ERC2: variants seen among roughly 807,000 people sequenced by gnomAD.
ERC2 encodes the protein ERC protein 2.
In ERC2, 42 loss-of-function variants were observed where a neutral mutation model predicts 114.8. That is an observed-to-expected ratio of 0.37 (90% CI 0.29 to 0.47). The LOEUF is 0.47. Among genes scored for constraint, ERC2 ranks in the 20% least tolerant of loss-of-function variants. ERC2 has a pLI of 0.99. For missense variants in ERC2, 939 were observed against 1,150.7 expected (o/e 0.82, Z 2.66); for synonymous variants, 454 against 425.5 (o/e 1.07, Z -0.82).
intron 7 of ERC2, among the ~76,000 whole-genome samples, chr3:56,059,945 A>G (rs1410849500): frequency 2.0e-5 from 3 of 152,182 alleles, no homozygotes; most frequent in Non-Finnish European, 2.9e-5. Context: ...CTGCATTTGC[A>G]CATTCATTTC....
chr3:55,848,470 T>C (rs1387498890), intron 14 of ERC2, among the ~76,000 whole-genome samples: 1 of 152,176 alleles, frequency 6.6e-6, no homozygotes, highest in Non-Finnish European at 1.5e-5. Context: ...CATTACACTT[T>C]TAAAAGCCTT....
chr3:55,947,231 G>T (rs1464425052), intron 13 of ERC2, among the ~76,000 whole-genome samples: 2 of 152,126 alleles, frequency 1.3e-5, no homozygotes, highest in South Asian at 2.1e-4. Context: ...ATGAGTAAGG[G>T]TTCTTGAGTT....
intron 2 of ERC2, among the ~76,000 whole-genome samples, chr3:56,349,604 G>T (rs535137565): frequency 2.0e-5 from 3 of 152,266 alleles, no homozygotes; most frequent in African/African-American, 4.8e-5. Context: ...GGAGGATGAG[G>T]ATCGAAAAAC....
intron 7 of ERC2, among the ~76,000 whole-genome samples, chr3:56,059,196 T>A (rs1323284640): frequency 6.6e-6 from 1 of 151,982 alleles, no homozygotes; most frequent in East Asian, 1.9e-4. Flanking sequence ...GTTCAAGCAA[T>A]TCTCCTGTCT....
chr3:55,938,399 A>T (rs2066584786), intron 13 of ERC2, among the ~76,000 whole-genome samples: 1 of 152,164 alleles, frequency 6.6e-6, no homozygotes, highest in African/African-American at 2.4e-5. Flanking sequence ...CTGGACTCTA[A>T]CGTACATGTG....
chr3:55,621,776 G>T (rs752709474), intron 17 of ERC2, among the ~76,000 whole-genome samples: 4 of 152,144 alleles, frequency 2.6e-5, no homozygotes, highest in Non-Finnish European at 5.9e-5. Context: ...TAGGCCAATT[G>T]GGGGAGAAAA....
At chr3:56,437,259 G>T (rs975582) in intron 1 of ERC2, among the ~76,000 whole-genome samples, 1 of 152,130 alleles carries the variant, frequency 6.6e-6, no homozygotes, top group African/African-American at 2.4e-5. Flanking sequence ...TAGCCAACAG[G>T]CAAGCCGCCC....
chr3:56,231,505 G>A (rs1042618234), intron 3 of ERC2, among the ~76,000 whole-genome samples: 2 of 152,228 alleles, frequency 1.3e-5, no homozygotes, highest in African/African-American at 4.8e-5. Context: ...AACTATGCAT[G>A]TGGGGATAGC....
chr3:56,071,141 C>T (rs1351318390), intron 7 of ERC2, among the ~76,000 whole-genome samples: 1 of 152,158 alleles, frequency 6.6e-6, no homozygotes, highest in African/African-American at 2.4e-5. Context: ...TATGTATCCC[C>T]AGTACCTTTG....
intron 17 of ERC2, among the ~76,000 whole-genome samples, chr3:55,544,485 C>T (rs1485925265): frequency 6.6e-6 from 1 of 152,154 alleles, no homozygotes; most frequent in Non-Finnish European, 1.5e-5. Context: ...AGTTCTCCAC[C>T]TCCCCCACCC....
intron 2 of ERC2, among the ~76,000 whole-genome samples, chr3:56,326,597 A>G (rs2057373510): frequency 6.6e-6 from 1 of 152,222 alleles, no homozygotes; most frequent in South Asian, 2.1e-4. Flanking sequence ...TCCAGATTCC[A>G]GATTTTTCTT....
intron 7 of ERC2, among the ~76,000 whole-genome samples, chr3:56,069,243 T>C (rs926345321): frequency 3.9e-5 from 6 of 152,226 alleles, no homozygotes; most frequent in African/African-American, 1.4e-4. Flanking sequence ...GCCACTTTAG[T>C]GGACCAGCAG....
At chr3:56,044,330 T>C (rs925574832) in intron 7 of ERC2, among the ~76,000 whole-genome samples, 5 of 152,160 alleles carry the variant, frequency 3.3e-5, no homozygotes, top group Admixed American at 2.6e-4. Context: ...ACTGTGTTCT[T>C]GGGGTTTTAG....
chr3:56,286,934 T>C (rs2150337444), intron 3 of ERC2, among the ~76,000 whole-genome samples: 2 of 152,342 alleles, frequency 1.3e-5, no homozygotes, highest in African/African-American at 4.8e-5. Context: ...ATTTTTCCTT[T>C]AGTGAGAATT....
intron 12 of ERC2, among the ~76,000 whole-genome samples, chr3:55,951,317 A>G (rs2067484491): frequency 6.6e-6 from 1 of 152,218 alleles, no homozygotes; most frequent in Non-Finnish European, 1.5e-5. Context: ...TGAGGCTCCA[A>G]TCAAATACAT....
At chr3:56,088,135 G>A (rs772022758) in intron 6 of ERC2, among the ~76,000 whole-genome samples, 1 of 152,032 alleles carries the variant, frequency 6.6e-6, no homozygotes, top group Non-Finnish European at 1.5e-5. Flanking sequence ...CTCAGAGATC[G>A]TAGAGGCTAC....
intron 14 of ERC2, among the ~76,000 whole-genome samples, chr3:55,807,734 C>A (rs9311587): frequency 0.065 from 9,877 of 152,234 alleles, 509 homozygotes; most frequent in African/African-American, 0.14. Context: ...CCTTATCAAC[C>A]TAGACTCCTT....
intron 7 of ERC2, among the ~76,000 whole-genome samples, chr3:56,044,472 T>G (rs1390921839): frequency 3.9e-5 from 6 of 152,108 alleles, no homozygotes; most frequent in Admixed American, 2.0e-4. Flanking sequence ...GGGAATAAAA[T>G]GAAGAGATTT....
At chr3:55,832,358 C>G (rs1398323870) in intron 14 of ERC2, among the ~76,000 whole-genome samples, 2 of 152,220 alleles carry the variant, frequency 1.3e-5, no homozygotes, top group African/African-American at 4.8e-5. Flanking sequence ...AGGCATCCCC[C>G]AGTAGGGGCA....
Sources: gnomAD v4.1 joint callset for allele counts (sites outside exome capture counted in the v4.1 genomes callset) on GRCh38, gnomAD v4.1.1 for gene constraint, MANE v1.5 for transcripts, NCBI Gene and HGNC (gene_info 2026-07-23, HGNC 2026-07-21) for gene names.